CFTR: variants seen among roughly 807,000 people sequenced by gnomAD.
CFTR encodes the protein CF transmembrane conductance regulator, also known as cystic fibrosis transmembrane conductance regulator.
CFTR carries 181 observed loss-of-function variants against 171.6 expected under a neutral mutation model. The ratio of observed to expected loss-of-function variants is 1.05; its 90% CI spans 0.93 to 1.19. The LOEUF is 1.19. CFTR is among the 50% of genes most tolerant of loss of function. The probability of loss-of-function intolerance (pLI) is 0.00; values close to 1 mark genes in which losing one functional copy is unlikely to be tolerated. For missense variants in CFTR, 1,968 were observed against 1,734.7 expected (o/e 1.13, Z -2.39); for synonymous variants, 583 against 608.0 (o/e 0.96, Z 0.60).
At chr7:117,603,018 C>A (rs1562911330) in intron 16 of CFTR, among the ~76,000 whole-genome samples, 155 bp downstream of exon 16, 1 of 152,010 alleles carries the variant, frequency 6.6e-6, no homozygotes, top group African/African-American at 2.4e-5. Flanking sequence ...TAAATGATGA[C>A]CATTAGTTGG....
intron 22 of CFTR, among the ~76,000 whole-genome samples, chr7:117,635,312 T>C (rs2116148049): frequency 6.6e-6 from 1 of 152,232 alleles, no homozygotes; most frequent in Non-Finnish European, 1.5e-5. Context: ...TCCCCCTTAC[T>C]TTTAGTTTAT....
Position 117,536,457 on chromosome 7 carries a change from A to T in CFTR, c.744-91A>T, listed in dbSNP as rs1207873627. The T allele has an allele frequency of 3.9e-6, 5 of 1,269,436 alleles. No individual in the cohort carries two copies. In the African/African-American group the frequency reaches 7.4e-5, roughly 19 times the overall value. The allele number at this position is 1,269,436 out of a possible 1,614,324, so 78.6% of individuals were successfully genotyped here. On this transcript the variant is annotated intron_variant, in intron 6 of 26. Transcript: ENST00000003084. The stretch of plus-strand genomic sequence containing the variant: ...AATGCCCATCTGTTGAATAAAAGAA[A>T]TATGACTTAAAACCTTGAGCAGTTC...
intron 22 of CFTR, among the ~76,000 whole-genome samples, chr7:117,630,882 A>G (rs1792730454): frequency 6.6e-6 from 1 of 152,160 alleles, no homozygotes; most frequent in South Asian, 2.1e-4. Flanking sequence ...AGGGCATAAC[A>G]TGAGGCAAAG....
intron 11 of CFTR, among the ~76,000 whole-genome samples, chr7:117,569,921 CTT>C (rs1562901660): frequency 6.6e-6 from 1 of 152,110 alleles, no homozygotes; most frequent in Non-Finnish European, 1.5e-5. Flanking sequence ...TCTCGTGTAA[CTT>C]ACATTCTACT....
chr7:117,551,903 G>A (rs1799277578), intron 10 of CFTR, among the ~76,000 whole-genome samples: 1 of 152,042 alleles, frequency 6.6e-6, no homozygotes, highest in Non-Finnish European at 1.5e-5. Flanking sequence ...CCTCACTATG[G>A]TACTGAGTTT....
At chr7:117,587,575 A>G (rs897695807) in intron 11 of CFTR, among the ~76,000 whole-genome samples, 164 bp from the exon 12 acceptor site, 3 of 152,210 alleles carry the variant, frequency 2.0e-5, no homozygotes, top group Non-Finnish European at 4.4e-5. Flanking sequence ...TTTTTGACCA[A>G]CTAAATAAAT....
chr7:117,657,740 A>G (rs970136246), intron 24 of CFTR, among the ~76,000 whole-genome samples: 3 of 152,366 alleles, frequency 2.0e-5, no homozygotes, highest in Admixed American at 6.5e-5. Context: ...GTAAATGAAC[A>G]GAGTAATGAC....
chr7:117,542,772 A>G (rs944466956), intron 9 of CFTR, among the ~76,000 whole-genome samples: 1 of 152,168 alleles, frequency 6.6e-6, no homozygotes, highest in Non-Finnish European at 1.5e-5. Flanking sequence ...CTGGCTCTCC[A>G]TGTGTAAAAT....
At chr7:117,536,704 AGT>A in intron 7 of CFTR, 31 bp downstream of exon 7, 1 of 1,578,012 alleles carries the variant, frequency 6.3e-7, no homozygotes. Context: ...CAATATTGTT[AGT>A]AATTCTGTCC....
chr7:117,565,108 T>A (rs1411978962), intron 11 of CFTR, among the ~76,000 whole-genome samples: 5 of 152,300 alleles, frequency 3.3e-5, no homozygotes, highest in African/African-American at 1.2e-4. Context: ...AAAATACTAT[T>A]ACGTATCCCT....
chr7:117,497,106 T>C lies in CFTR; in HGVS notation c.54-7147T>C, dbSNP rs570061841. ...GTTGTAATATGGCAAATTGGATACA[T>C]GTGTAGGCTTTGGTGTCACAATCCT... is the stretch of plus-strand genomic sequence containing the variant. On this transcript the variant is annotated intron_variant, in intron 1 of 26. Coordinates refer to ENST00000003084, the MANE Select transcript of CFTR (RefSeq NM_000492.4). 7.2e-5 allele frequency among the ~76,000 whole-genome samples: 11 copies of C among 152,232 alleles called. No individual in the cohort carries two copies. The South Asian group carries it at 2.3e-3, about 32-fold the overall frequency.
intron 1 of CFTR, among the ~76,000 whole-genome samples, chr7:117,500,278 CTTTTTTT>C (rs745627454): frequency 3.9e-5 from 3 of 76,490 alleles, no homozygotes; most frequent in East Asian, 5.7e-4. Context: ...TTCTTCCTTT[CTTTTTTT>C]TTTTTTTTTT....
At position 117,611,580 on chromosome 7, in the gene CFTR, G is replaced by A. The variant is rs397508506; in HGVS notation, c.3140-1G>A. ...ATGTTTTCTATGGAAATATTTCACAGGCAGGAGTCCAATTTTCACTCATCT... is the reference window on the plus strand; with the variant it reads ...ATGTTTTCTATGGAAATATTTCACAAGCAGGAGTCCAATTTTCACTCATCT... On this transcript the variant is annotated splice_acceptor_variant, in intron 19 of 26. Transcript: ENST00000003084. LOFTEE classifies it high-confidence loss of function. 6.4e-7 allele frequency: 1 copy of A among 1,573,606 alleles called. No individual in the cohort carries two copies. Among genetic ancestry groups the A allele is most frequent in the Non-Finnish European group, 8.7e-7 (1 of 1,143,658 alleles).
chr7:117,667,068 A>C lies in CFTR; in HGVS notation c.4403A>C (p.Lys1468Thr). Residue 1468 changes from lysine (K) to threonine (T), a missense_variant, in exon 27 of 27, where the codon AAA (lysine) becomes ACA (threonine). By Grantham distance (78) the Lys-to-Thr change is moderately conservative. Transcript: ENST00000003084. ...TCTAAGCCCCAGATTGCTGCTCTGAAAGAGGAGACAGAAGAAGAGGTGCAA... is the reference window on the plus strand; with the variant it reads ...TCTAAGCCCCAGATTGCTGCTCTGACAGAGGAGACAGAAGAAGAGGTGCAA... ...CKSKPQIAAL[K>T]EETEEEVQDT... The C allele has an allele frequency of 6.2e-7, 1 of 1,614,010 alleles. No homozygotes were observed. Among genetic ancestry groups the C allele is most frequent in the Non-Finnish European group, 8.5e-7 (1 of 1,179,956 alleles).
intron 1 of CFTR, among the ~76,000 whole-genome samples, chr7:117,494,361 C>T (rs1420178877): frequency 6.6e-6 from 1 of 152,000 alleles, no homozygotes; most frequent in East Asian, 1.9e-4. Context: ...GTCATTACAT[C>T]ATTTGGTTGT....
In CFTR at chr7:117,559,573, C is replaced by G. The variant is rs1799421850; in HGVS notation, c.1502C>G (p.Thr501Ser). ...CSQFSWIMPGTIKENIIFGVS... is the reference protein window; with the variant it reads ...CSQFSWIMPGSIKENIIFGVS... ...CAGTTTTCCTGGATTATGCCTGGCA[C>G]CATTAAAGAAAATATCATCTTTGGT... is the stretch of plus-strand genomic sequence containing the variant. Residue 501 changes from threonine to serine, a missense_variant, in exon 11 of 27, where the codon ACC becomes AGC. Transcript: ENST00000003084. 2 of 1,612,166 alleles carry G rather than the reference C, an allele frequency of 1.2e-6. No homozygotes were observed. Among genetic ancestry groups the G allele is most frequent in the Non-Finnish European group, 1.7e-6 (2 of 1,178,622 alleles).
chr7:117,620,738 T>A (rs1187528877), intron 21 of CFTR, among the ~76,000 whole-genome samples: 2 of 152,208 alleles, frequency 1.3e-5, no homozygotes, highest in African/African-American at 2.4e-5. Context: ...AGGGTTTAGA[T>A]AATCTCATTT....
chr7:117,551,667 C>G (rs1799273191), intron 10 of CFTR, among the ~76,000 whole-genome samples: 1 of 152,108 alleles, frequency 6.6e-6, no homozygotes, highest in Non-Finnish European at 1.5e-5. Context: ...TGTAGTTGTT[C>G]TAGTCTACAT....
intron 3 of CFTR, among the ~76,000 whole-genome samples, chr7:117,518,914 A>C (rs535616765): frequency 2.9e-4 from 44 of 152,298 alleles, no homozygotes; most frequent in African/African-American, 9.9e-4. Flanking sequence ...TACTTTAGAA[A>C]TTAAAATTAA....
Sources: allele counts gnomAD v4.1 joint callset (sites outside exome capture counted in the v4.1 genomes callset), GRCh38; gene constraint gnomAD v4.1.1; transcripts MANE v1.5; gene names NCBI Gene and HGNC (gene_info 2026-07-23, HGNC 2026-07-21).